USP34: variants seen among roughly 807,000 people sequenced by gnomAD.
USP34 encodes the protein ubiquitin specific peptidase 34.
Under a neutral mutation model 460.3 loss-of-function variants are expected in USP34, and 70 were observed. The observed-to-expected ratio is 0.15, with a 90% CI of 0.13 to 0.19. USP34 has a LOEUF of 0.19. Among genes scored for constraint, USP34 ranks in the 10% least tolerant of loss-of-function variants. USP34 has a pLI of 1.00. For synonymous variants in USP34, 1,647 were observed against 1,405.3 expected (o/e 1.17, Z -3.85); for missense variants, 3,985 against 4,236.2 (o/e 0.94, Z 1.65).
chr2:61,208,068 G>GTAA (rs1553349999), intron 70 of USP34: 1 of 152,292 alleles, frequency 6.6e-6, no homozygotes, highest in African/African-American at 2.4e-5. Context: ...TTTTAACCCT[G>GTAA]TAATAGTCCT....
chr2:61,236,272 TA>T (rs1688066162), intron 54 of USP34, 36 bp from the exon 55 acceptor site: 7 of 1,595,046 alleles, frequency 4.4e-6, no homozygotes, highest in Non-Finnish European at 5.1e-6. Context: ...AATTCACACG[TA>T]AGATTTTTTT....
chr2:61,241,751 G>A lies in USP34; in HGVS notation c.6681+15C>T. On this transcript the variant is annotated intron_variant, in intron 52 of 79. Transcript: ENST00000398571. The stretch of plus-strand genomic sequence containing the variant: ...GAAAAAACAATATAAAATTATACAT[G>A]AAAAAAATGGTTACCTTTTCAAAAG... 1 of 1,496,688 alleles carries A rather than the reference G, an allele frequency of 6.7e-7. No homozygotes were observed. Among genetic ancestry groups the A allele is most frequent in the African/African-American group, 1.4e-5 (1 of 70,188 alleles). The allele number at this position is 1,496,688 out of a possible 1,614,324, so 92.7% of individuals were successfully genotyped here. A position where few individuals can be genotyped will look rare whatever the true frequency, so the allele number is the denominator to read the frequency against.
Position 61,378,925 on chromosome 2 carries a change from A to C in USP34, c.1015-501T>G, listed in dbSNP as rs764909651. Among the ~76,000 whole-genome samples, 580 of 150,100 alleles carry C rather than the reference A, an allele frequency of 3.9e-3. 5 individuals are homozygous for C. The highest frequency in any genetic ancestry group is 6.9e-3 in the Non-Finnish European group (465 of 67,354). On this transcript the variant is annotated intron_variant, in intron 7 of 79. Coordinates refer to ENST00000398571, the MANE Select transcript of USP34 (RefSeq NM_014709.4). ...ATCTCAAAAAAACGAAAAAAAAAAA[A>C]AAAAAAAAAAAACAACACTAAATTC...
In USP34 at chr2:61,406,001, T is replaced by C; in HGVS notation, c.259A>G (p.Thr87Ala). 1 of 1,613,796 alleles carries C rather than the reference T, an allele frequency of 6.2e-7. No homozygotes were observed. Among genetic ancestry groups the C allele is most frequent in the Non-Finnish European group, 8.5e-7 (1 of 1,179,964 alleles). ...TGCCACGTGGAATCTATGTTAATGG[T>C]AGTACAATGTTTACAAAGCTGGTCC... ...LRDQLCKHCT[T>A]INIDSTWQDE... Residue 87 changes from threonine (T) to alanine (A), a missense_variant, in exon 3 of 80, where the codon ACC becomes GCC. Around this residue, in one of 14 missense-constraint regions of USP34, gnomAD observed 331 missense variants for 293.7 expected, o/e 1.13. Coordinates refer to ENST00000398571, the MANE Select transcript of USP34 (RefSeq NM_014709.4).
intron 75 of USP34, among the ~76,000 whole-genome samples, chr2:61,202,067 A>T (rs1004422762): frequency 1.3e-5 from 2 of 152,182 alleles, no homozygotes; most frequent in African/African-American, 4.8e-5. Context: ...GTTACCAGGA[A>T]CCAGCTTTCA....
chr2:61,421,940 A>C (rs142996735), intron 1 of USP34, among the ~76,000 whole-genome samples: 1 of 152,198 alleles, frequency 6.6e-6, no homozygotes, highest in Non-Finnish European at 1.5e-5. Context: ...CTGATTAACC[A>C]AAAAGGGGTT....
chr2:61,349,945 G>A (rs1246106010), intron 12 of USP34, among the ~76,000 whole-genome samples: 1 of 151,782 alleles, frequency 6.6e-6, no homozygotes, highest in East Asian at 1.9e-4. Context: ...GAATCATTAT[G>A]TTCTACTCTT....
At chr2:61,358,616 AG>A (rs1197771927) in intron 10 of USP34, among the ~76,000 whole-genome samples, 1 of 152,208 alleles carries the variant, frequency 6.6e-6, no homozygotes, top group African/African-American at 2.4e-5. Flanking sequence ...ATGAACTACT[AG>A]CCAGAGCTAC....
intron 27 of USP34, among the ~76,000 whole-genome samples, chr2:61,302,269 G>A (rs1367360877): frequency 6.6e-6 from 1 of 152,130 alleles, no homozygotes; most frequent in Non-Finnish European, 1.5e-5. Flanking sequence ...TTACTTTCAA[G>A]AAAAATGAGT....
chr2:61,447,693 T>C (rs946428705), intron 1 of USP34, among the ~76,000 whole-genome samples: 13 of 152,076 alleles, frequency 8.5e-5, no homozygotes, highest in Non-Finnish European at 1.9e-4. Flanking sequence ...GTGAAATTGG[T>C]TTTTTTAGTT....
chr2:61,359,215 T>C (rs954101472), intron 10 of USP34, among the ~76,000 whole-genome samples: 4 of 152,140 alleles, frequency 2.6e-5, no homozygotes, highest in East Asian at 1.9e-4. Flanking sequence ...AGTAATTAAA[T>C]AGTATGGTAC....
chr2:61,277,946 A>T (rs369981653), intron 41 of USP34: 2 of 516,322 alleles, frequency 3.9e-6, no homozygotes, highest in South Asian at 6.1e-5. Context: ...TCCACATAAG[A>T]TGCGACTTGC....
rs373580187 is a variant in USP34 at position 61,260,861 on chromosome 2, A to G, written c.5779-1085T>C. Among the ~76,000 whole-genome samples, 14 of 152,302 alleles carry G rather than the reference A, an allele frequency of 9.2e-5. No homozygotes were observed. The East Asian group carries it at 1.7e-3, about 19-fold the overall frequency. ...TTAGAGAATGAAGTATGAGTTGGCT[A>G]AAGAGCTGCCTAAATTTATTAAAGT... On this transcript the variant is annotated intron_variant, in intron 43 of 79. Coordinates refer to ENST00000398571, the MANE Select transcript of USP34 (RefSeq NM_014709.4).
intron 41 of USP34, among the ~76,000 whole-genome samples, chr2:61,276,688 TAA>T (rs960572570): frequency 1.3e-5 from 2 of 152,198 alleles, no homozygotes; most frequent in Non-Finnish European, 2.9e-5. Flanking sequence ...AGTTTATATA[TAA>T]GAGAAGACTT....
In USP34 at chr2:61,229,542, T is replaced by G; in HGVS notation, c.7199+6A>C. On this transcript the variant is annotated splice_donor_region_variant and intron_variant, in intron 59 of 79. Transcript: ENST00000398571. ...CACACAAACTTATTCAAAAAGTACT[T>G]CTTACCCATCTTCCATTCCTGGCTG... is the stretch of plus-strand genomic sequence containing the variant. The G allele has an allele frequency of 6.3e-7, 1 of 1,599,122 alleles. No homozygotes were observed. The highest frequency in any genetic ancestry group is 2.3e-5 in the East Asian group (1 of 44,232).
intron 3 of USP34, among the ~76,000 whole-genome samples, chr2:61,402,256 G>T (rs574857027): frequency 1.4e-3 from 220 of 152,086 alleles, no homozygotes; most frequent in Middle Eastern, 6.8e-3. Context: ...CTCCAGCCTG[G>T]GAGACAGAGC....
intron 8 of USP34, among the ~76,000 whole-genome samples, chr2:61,374,137 T>C (rs62149712): frequency 0.53 from 74,029 of 140,576 alleles, 19,161 homozygotes; most frequent in South Asian, 0.75. Context: ...GCCTGGGCAA[T>C]AGAGCGAGAC....
At chr2:61,324,146 G>C (rs560536252) in intron 21 of USP34, among the ~76,000 whole-genome samples, 1 of 152,246 alleles carries the variant, frequency 6.6e-6, no homozygotes, top group East Asian at 1.9e-4. Context: ...AGAAAAAGAA[G>C]AATGTAGAGA....
chr2:61,245,155 A>G, intron 51 of USP34, 55 bp downstream of exon 51: 2 of 1,353,938 alleles, frequency 1.5e-6, no homozygotes, highest in African/African-American at 1.4e-5. Context: ...ATTTTATGAT[A>G]TGACAAAGCA....
Sources: allele counts gnomAD v4.1 joint callset (sites outside exome capture counted in the v4.1 genomes callset), GRCh38; gene constraint gnomAD v4.1.1; regional missense constraint gnomAD v4.1.1; transcripts MANE v1.5; gene names NCBI Gene and HGNC (gene_info 2026-07-23, HGNC 2026-07-21).